Variants in PRKCA observed in about 807,000 individuals in gnomAD.
PRKCA encodes protein kinase C alpha type.
PRKCA carries 27 observed loss-of-function variants against 87.0 expected under a neutral mutation model. That is an observed-to-expected ratio of 0.31 (90% confidence interval 0.23 to 0.43). The LOEUF (loss-of-function observed/expected upper bound fraction) is 0.43, where lower values mean the gene tolerates loss of function less well. Ranked by LOEUF, PRKCA falls within the 20% of genes least tolerant of loss-of-function variation. The pLI is 1.00. For missense variants in PRKCA, 518 were observed against 852.3 expected, an observed-to-expected ratio of 0.61 and a Z score of 4.88; for synonymous variants, 329 against 311.1, an observed-to-expected ratio of 1.06 and a Z score of -0.61.
intron 3 of PRKCA, among the ~76,000 whole-genome samples, chr17:66,526,735 A>G (rs1481468221): frequency 6.6e-6 from 1 of 152,192 alleles, no homozygotes; most frequent in Non-Finnish European, 1.5e-5. Flanking sequence ...CATATGAAAA[A>G]AAAGGTATGG....
chr17:66,441,828 A>AT (rs1315470550), intron 2 of PRKCA, among the ~76,000 whole-genome samples: 1 of 152,072 alleles, frequency 6.6e-6, no homozygotes, highest in Non-Finnish European at 1.5e-5. Flanking sequence ...ACGTATGTAT[A>AT]TTTATACCAT....
chr17:66,379,058 A>G (rs1909639116), intron 2 of PRKCA, among the ~76,000 whole-genome samples: 1 of 152,150 alleles, frequency 6.6e-6, no homozygotes, highest in South Asian at 2.1e-4. Context: ...ATCAGTTGGT[A>G]GACAGTTGAG....
chr17:66,671,232 AAG>A (rs1555633776), intron 5 of PRKCA, among the ~76,000 whole-genome samples: 1 of 150,996 alleles, frequency 6.6e-6, no homozygotes, highest in East Asian at 1.9e-4. Context: ...AAAAAAAAAA[AAG>A]ACTGAAAACA....
At chr17:66,640,675 G>A (rs61762390) in intron 3 of PRKCA, among the ~76,000 whole-genome samples, 1,850 of 152,310 alleles carry the variant, frequency 0.012, 33 homozygotes, top group African/African-American at 0.042. Flanking sequence ...CAAACACACC[G>A]ATTTTGTGTC....
intron 5 of PRKCA, among the ~76,000 whole-genome samples, chr17:66,672,791 C>T (rs1356920517): frequency 1.3e-5 from 2 of 152,114 alleles, no homozygotes; most frequent in African/African-American, 4.8e-5. Flanking sequence ...TCAAAGCATA[C>T]TTTGTTATAA....
chr17:66,730,838 A>G (rs537792295), intron 8 of PRKCA, among the ~76,000 whole-genome samples: 24 of 152,340 alleles, frequency 1.6e-4, no homozygotes, highest in Non-Finnish European at 2.8e-4. Flanking sequence ...AGGGGGCTCA[A>G]TCAGTACTTG....
chr17:66,419,153 A>G (rs1399867978), intron 2 of PRKCA, among the ~76,000 whole-genome samples: 2 of 152,138 alleles, frequency 1.3e-5, no homozygotes, highest in Non-Finnish European at 2.9e-5. Context: ...TGTTAGGATA[A>G]TCAAATAAGA....
At chr17:66,550,788 C>T (rs72845904) in intron 3 of PRKCA, among the ~76,000 whole-genome samples, 8,914 of 152,196 alleles carry the variant, frequency 0.059, 334 homozygotes, top group Non-Finnish European at 0.084. Context: ...CTCCATGGTG[C>T]GATGCGGGTG....
chr17:66,644,477 G>T (rs1312612688), intron 4 of PRKCA, among the ~76,000 whole-genome samples: 3 of 152,072 alleles, frequency 2.0e-5, no homozygotes, highest in Non-Finnish European at 2.9e-5. Flanking sequence ...TCTTCTGTTT[G>T]TTTCCGGCAC....
chr17:66,760,699 C>T (rs1399392385), intron 13 of PRKCA, among the ~76,000 whole-genome samples: 6 of 152,198 alleles, frequency 3.9e-5, no homozygotes. Context: ...GAGGACATCA[C>T]TACAGATCCC....
chr17:66,753,091 A>G (rs1236934924), intron 13 of PRKCA, among the ~76,000 whole-genome samples: 1 of 152,240 alleles, frequency 6.6e-6, no homozygotes, highest in Non-Finnish European at 1.5e-5. Context: ...AAATGTAAAA[A>G]GCATGCTTAG....
At chr17:66,696,938 G>A (rs1306593255) in intron 8 of PRKCA, among the ~76,000 whole-genome samples, 1 of 152,018 alleles carries the variant, frequency 6.6e-6, no homozygotes, top group Non-Finnish European at 1.5e-5. Context: ...CCTGCTCCCA[G>A]GTTGCTAATG....
chr17:66,702,646 A>G (rs1973092498), intron 8 of PRKCA, among the ~76,000 whole-genome samples: 1 of 152,232 alleles, frequency 6.6e-6, no homozygotes, highest in African/African-American at 2.4e-5. Context: ...ATCATTTCAC[A>G]GTGGATATGT....
chr17:66,322,675 T>C (rs1598590234), intron 2 of PRKCA, among the ~76,000 whole-genome samples: 1 of 149,752 alleles, frequency 6.7e-6, no homozygotes, highest in Non-Finnish European at 1.5e-5. Context: ...GGTCTTGCTA[T>C]GTTGTCCAGG....
intron 2 of PRKCA, among the ~76,000 whole-genome samples, chr17:66,442,056 G>GTC (rs1240430116): frequency 1.3e-5 from 2 of 149,656 alleles, no homozygotes; most frequent in African/African-American, 4.9e-5. Context: ...CATGATGTTA[G>GTC]TCTCTCTCTC....
intron 8 of PRKCA, among the ~76,000 whole-genome samples, chr17:66,694,480 C>CAAAA (rs57941055): frequency 1.4e-4 from 5 of 35,210 alleles, no homozygotes; most frequent in African/African-American, 2.7e-4. Flanking sequence ...GACTCTGTCT[C>CAAAA]AAAAAAAAAA....
chr17:66,688,923 G>A lies in PRKCA; in HGVS notation c.822-28G>A, dbSNP rs368450705. 1.4e-5 allele frequency: 20 copies of A among 1,450,290 alleles called. No individual in the cohort carries two copies. In the African/African-American group the frequency reaches 1.7e-4, roughly 12 times the overall value. The allele number at this position is 1,450,290 out of a possible 1,614,324, so 89.8% of individuals were successfully genotyped here. A position where few individuals can be genotyped will look rare whatever the true frequency, so the allele number is the denominator to read the frequency against. ...GGAAAGGCTTGTTAAACTTGCGGTG[G>A]TAACTCTTCTTCTCCCGTCCTTGAA... is the stretch of plus-strand genomic sequence containing the variant. On this transcript the variant is annotated intron_variant, in intron 7 of 16. Coordinates refer to ENST00000413366, the MANE Select transcript of PRKCA (RefSeq NM_002737.3).
chr17:66,339,875 C>A (rs1906935328), intron 2 of PRKCA: 1 of 152,090 alleles, frequency 6.6e-6, no homozygotes, highest in Non-Finnish European at 1.5e-5. Flanking sequence ...CCAAGAAACC[C>A]CTAATATTAA....
At chr17:66,800,368 C>T (rs1055451371) in intron 16 of PRKCA, among the ~76,000 whole-genome samples, 2 of 152,214 alleles carry the variant, frequency 1.3e-5, no homozygotes, top group South Asian at 2.1e-4. Context: ...TCCCCTTTAG[C>T]TCTGCAGACC....
Sources: gnomAD v4.1 joint callset for allele counts (sites outside exome capture counted in the v4.1 genomes callset) on GRCh38, gnomAD v4.1.1 for gene constraint, MANE v1.5 for transcripts, NCBI Gene and HGNC (gene_info 2026-07-23, HGNC 2026-07-21) for gene names.